NKAIN2: variants seen among roughly 807,000 people sequenced by gnomAD.
NKAIN2 encodes the protein sodium/potassium transporting ATPase interacting 2.
In NKAIN2, 14 loss-of-function variants were observed where a neutral mutation model predicts 32.6. That is an observed-to-expected ratio of 0.43 (90% CI 0.28 to 0.67). The LOEUF is 0.67. Ranked by LOEUF, NKAIN2 falls within the 30% of genes least tolerant of loss-of-function variation. The pLI, the probability that NKAIN2 is intolerant of heterozygous loss-of-function variation, is 0.17. For synonymous variants in NKAIN2, 80 were observed against 87.2 expected, an observed-to-expected ratio of 0.92 and a Z score of 0.46; for missense variants, 198 against 258.3, an observed-to-expected ratio of 0.77 and a Z score of 1.60.
intron 1 of NKAIN2, among the ~76,000 whole-genome samples, chr6:123,903,264 G>T (rs1040873936): frequency 1.3e-5 from 2 of 152,188 alleles, no homozygotes; most frequent in African/African-American, 2.4e-5. Context: ...GAGCATGGGG[G>T]AAGAGCCGTG....
chr6:123,840,851 A>G (rs1173292240), intron 1 of NKAIN2, among the ~76,000 whole-genome samples: 3 of 152,182 alleles, frequency 2.0e-5, no homozygotes, highest in Non-Finnish European at 2.9e-5. Context: ...CTATTTATAT[A>G]TGTTTCCTGT....
chr6:124,556,086 C>A (rs1324239090), intron 3 of NKAIN2, among the ~76,000 whole-genome samples: 4 of 135,128 alleles, frequency 3.0e-5, no homozygotes, highest in African/African-American at 8.1e-5. Context: ...GTTTGCTATG[C>A]AAAAAAAAAA....
chr6:124,726,429 C>CA (rs977322097), intron 4 of NKAIN2, among the ~76,000 whole-genome samples: 8 of 152,112 alleles, frequency 5.3e-5, no homozygotes, highest in East Asian at 1.9e-4. Context: ...AACTGGGAGG[C>CA]ACCCCCCAGC....
chr6:124,554,523 G>A (rs976552882), intron 3 of NKAIN2, among the ~76,000 whole-genome samples: 2 of 152,196 alleles, frequency 1.3e-5, no homozygotes, highest in Non-Finnish European at 2.9e-5. Flanking sequence ...CACCGGAAAT[G>A]AGAACTACTG....
chr6:124,623,424 C>T (rs1276497651), intron 3 of NKAIN2, among the ~76,000 whole-genome samples: 1 of 152,028 alleles, frequency 6.6e-6, no homozygotes, highest in South Asian at 2.1e-4. Context: ...TTTCTTAGGG[C>T]ACAACACCTA....
chr6:123,929,849 G>T (rs766605588), intron 1 of NKAIN2, among the ~76,000 whole-genome samples: 4 of 151,970 alleles, frequency 2.6e-5, no homozygotes, highest in African/African-American at 9.7e-5. Context: ...CCAAAAATTC[G>T]AAATCCAAAA....
chr6:124,330,692 C>T (rs1169645179), intron 2 of NKAIN2, among the ~76,000 whole-genome samples: 1 of 152,176 alleles, frequency 6.6e-6, no homozygotes, highest in East Asian at 1.9e-4. Flanking sequence ...GGGATGTTCC[C>T]TTACAGTAGA....
intron 1 of NKAIN2, among the ~76,000 whole-genome samples, chr6:123,974,296 C>G (rs1365486160): frequency 2.9e-5 from 4 of 138,040 alleles, no homozygotes; most frequent in African/African-American, 7.9e-5. Context: ...TTAGAAAAAT[C>G]AAGAAATAAG....
rs575205403 is a variant in NKAIN2, at chr6:124,469,478, C to A, written c.273+114131C>A. Among the ~76,000 whole-genome samples, 25 of 152,252 alleles carry A rather than the reference C, an allele frequency of 1.6e-4. No individual in the cohort carries two copies. In the South Asian group the frequency reaches 3.3e-3, roughly 20 times the overall value. ...ATGTTCAGGAAATGAAAAATACTCT[C>A]TCTGTTTCTAATTCAAGCCATTTTT... On this transcript the variant is annotated intron_variant, in intron 3 of 6. Coordinates refer to ENST00000368417, the MANE Select transcript of NKAIN2 (RefSeq NM_001040214.3).
intron 1 of NKAIN2, among the ~76,000 whole-genome samples, chr6:124,182,243 C>T (rs1358663293): frequency 1.3e-5 from 2 of 152,198 alleles, no homozygotes; most frequent in African/African-American, 4.8e-5. Flanking sequence ...TTACCTCCCA[C>T]TGAGTCTCTC....
intron 1 of NKAIN2, among the ~76,000 whole-genome samples, chr6:123,940,145 C>T (rs935940430): frequency 6.6e-6 from 1 of 151,834 alleles, no homozygotes; most frequent in African/African-American, 2.4e-5. Flanking sequence ...GCTGAGAGTG[C>T]TAGGAATCTG....
Position 123,938,359 on chromosome 6 carries a change from T to C in NKAIN2, c.54+134105T>C, listed in dbSNP as rs1582810633. 3.0e-5 allele frequency among the ~76,000 whole-genome samples: 4 copies of C among 134,484 alleles called. No homozygotes were observed. In the South Asian group the frequency reaches 9.4e-4, roughly 32 times the overall value. The allele number at this position is 134,484 out of a possible 152,430, so 88.2% of individuals were successfully genotyped here. The stretch of plus-strand genomic sequence containing the variant: ...GTCAAGTGGCCAGAGATAGAACAAT[T>C]TGCAATTGCCGTGAAACCAGAACTC... On this transcript the variant is annotated intron_variant, in intron 1 of 6. Coordinates refer to ENST00000368417, the MANE Select transcript of NKAIN2 (RefSeq NM_001040214.3).
intron 3 of NKAIN2, among the ~76,000 whole-genome samples, chr6:124,617,344 A>C (rs964365205): frequency 2.6e-5 from 4 of 152,172 alleles, no homozygotes. Context: ...AACACCATTC[A>C]AATCACACTG....
At chr6:124,620,448 TTC>T (rs1783065126) in intron 3 of NKAIN2, among the ~76,000 whole-genome samples, 1 of 152,174 alleles carries the variant, frequency 6.6e-6, no homozygotes, top group Non-Finnish European at 1.5e-5. Context: ...TGGCAAGGAC[TTC>T]TTTTATGACT....
At chr6:124,629,121 G>T (rs2031341727) in intron 3 of NKAIN2, among the ~76,000 whole-genome samples, 2 of 152,068 alleles carry the variant, frequency 1.3e-5, no homozygotes, top group Non-Finnish European at 2.9e-5. Flanking sequence ...CCCTGAGGAG[G>T]AATGAAATGG....
chr6:124,168,650 T>C (rs538221466), intron 1 of NKAIN2, among the ~76,000 whole-genome samples: 1 of 152,084 alleles, frequency 6.6e-6, no homozygotes, highest in African/African-American at 2.4e-5. Context: ...TGCCTGTGTG[T>C]TGGCCAGTTC....
intron 2 of NKAIN2, among the ~76,000 whole-genome samples, chr6:124,345,001 C>T (rs1004570461): frequency 1.8e-4 from 27 of 152,194 alleles, no homozygotes; most frequent in East Asian, 1.4e-3. Context: ...TTTTGAGATA[C>T]GTCCCATCAA....
At chr6:123,914,214 C>CAA (rs1554222783) in intron 1 of NKAIN2, among the ~76,000 whole-genome samples, 7 of 150,010 alleles carry the variant, frequency 4.7e-5, no homozygotes, top group African/African-American at 1.7e-4. Flanking sequence ...TTGTGTATGA[C>CAA]GAGAGAGAGA....
At chr6:124,165,366 A>G (rs1050305817) in intron 1 of NKAIN2, among the ~76,000 whole-genome samples, 4 of 152,038 alleles carry the variant, frequency 2.6e-5, no homozygotes, top group Non-Finnish European at 4.4e-5. Flanking sequence ...TAAAACTTCT[A>G]CTAGTGAGAA....
Sources: allele counts gnomAD v4.1 joint callset (sites outside exome capture counted in the v4.1 genomes callset), GRCh38; gene constraint gnomAD v4.1.1; transcripts MANE v1.5; gene names NCBI Gene and HGNC (gene_info 2026-07-23, HGNC 2026-07-21).